Variants in FSTL4 observed in about 807,000 individuals in gnomAD.
FSTL4 encodes follistatin like 4.
Under a neutral mutation model 78.2 loss-of-function variants are expected in FSTL4, and 28 were observed. The ratio of observed to expected loss-of-function variants is 0.36; its 90% CI spans 0.27 to 0.49. FSTL4 has a LOEUF of 0.49. Ranked by LOEUF, FSTL4 falls within the 20% of genes least tolerant of loss-of-function variation. FSTL4 has a pLI of 0.98. For missense variants in FSTL4, 922 were observed against 1,084.9 expected (o/e 0.85, Z 2.11); for synonymous variants, 422 against 440.5 (o/e 0.96, Z 0.53).
the FSTL4 span, among the ~76,000 whole-genome samples, chr5:133,784,508 C>T: frequency 3.9e-5 from 6 of 152,252 alleles, no homozygotes; most frequent in African/African-American, 1.4e-4. Context: ...TCATTGTTAT[C>T]CCCGTTCTGA....
chr5:133,395,034 T>C (rs990747235), intron 4 of FSTL4, among the ~76,000 whole-genome samples: 1 of 152,060 alleles, frequency 6.6e-6, no homozygotes, highest in Non-Finnish European at 1.5e-5. Context: ...AACACACCAA[T>C]CAGCACCCTG....
At chr5:133,833,086 G>A in the FSTL4 span, among the ~76,000 whole-genome samples, 1 of 152,172 alleles carries the variant, frequency 6.6e-6, no homozygotes, top group East Asian at 1.9e-4. Context: ...TAAAATCAGT[G>A]GATGATTTGC....
At chr5:133,835,758 A>G in the FSTL4 span, among the ~76,000 whole-genome samples, 28 of 152,342 alleles carry the variant, frequency 1.8e-4, no homozygotes, top group Non-Finnish European at 3.7e-4. Context: ...TTTAAGAAAA[A>G]AATATATGGG....
chr5:133,514,224 A>AAAC (rs1758806822), intron 3 of FSTL4, among the ~76,000 whole-genome samples: 1 of 148,964 alleles, frequency 6.7e-6, no homozygotes, highest in Non-Finnish European at 1.5e-5. Flanking sequence ...TAATAATAAT[A>AAAC]AACCGTTGGT....
chr5:133,577,890 C>T (rs762908700), intron 2 of FSTL4, among the ~76,000 whole-genome samples: 1 of 152,154 alleles, frequency 6.6e-6, no homozygotes, highest in Non-Finnish European at 1.5e-5. Flanking sequence ...TAGCGTAAGA[C>T]TCTGTCTCAA....
the FSTL4 span, among the ~76,000 whole-genome samples, chr5:133,815,370 G>C: frequency 6.6e-6 from 1 of 152,190 alleles, no homozygotes; most frequent in African/African-American, 2.4e-5. Context: ...TCCTAACTCA[G>C]GACCTGAGGT....
At chr5:133,588,256 A>G (rs1760550047) in intron 2 of FSTL4, among the ~76,000 whole-genome samples, 1 of 80,676 alleles carries the variant, frequency 1.2e-5, no homozygotes, top group African/African-American at 4.2e-5. Context: ...CACCAAAAGC[A>G]ATGGCAACAA....
At chr5:133,777,339 A>C in the FSTL4 span, among the ~76,000 whole-genome samples, 1 of 152,252 alleles carries the variant, frequency 6.6e-6, no homozygotes, top group Non-Finnish European at 1.5e-5. Flanking sequence ...TAAGGAAAAA[A>C]TGGACTGGAA....
rs981841783 is a variant in FSTL4, at chr5:133,276,274, G to C, written c.728-26698C>G. On this transcript the variant is annotated intron_variant, in intron 6 of 15. Transcript: ENST00000265342. ...CAGCAGGGCTGTCCTGGCTTGCTTG[G>C]GGCCTGTGATGCTGGACCCCAGTGG... is the stretch of plus-strand genomic sequence containing the variant. Among the ~76,000 whole-genome samples, 4 of 152,290 alleles carry C rather than the reference G, an allele frequency of 2.6e-5. No homozygotes were observed. In the South Asian group the frequency reaches 8.3e-4, roughly 32 times the overall value.
intron 3 of FSTL4, among the ~76,000 whole-genome samples, chr5:133,486,873 A>G (rs1159973663): frequency 6.6e-6 from 1 of 152,188 alleles, no homozygotes; most frequent in South Asian, 2.1e-4. Flanking sequence ...TGTTTGACCT[A>G]TGAGGAAATT....
At chr5:133,802,411 A>C in the FSTL4 span, among the ~76,000 whole-genome samples, 2 of 152,190 alleles carry the variant, frequency 1.3e-5, no homozygotes, top group African/African-American at 4.8e-5. Flanking sequence ...CCAGGGAAAA[A>C]CCAAATATGA....
chr5:133,758,593 C>T, the FSTL4 span, among the ~76,000 whole-genome samples: 1 of 152,120 alleles, frequency 6.6e-6, no homozygotes, highest in Admixed American at 6.6e-5. Context: ...TGACATTTGC[C>T]TACAAGTAAT....
upstream of FSTL4, among the ~76,000 whole-genome samples, chr5:133,614,458 G>A (rs569450367): frequency 1.3e-5 from 2 of 152,302 alleles, no homozygotes; most frequent in African/African-American, 4.8e-5. Context: ...TTTAACTACT[G>A]TGCATAAAAT....
At chr5:133,708,955 C>T in the FSTL4 span, among the ~76,000 whole-genome samples, 5 of 152,226 alleles carry the variant, frequency 3.3e-5, no homozygotes, top group African/African-American at 1.2e-4. Context: ...ACTATATTCA[C>T]ACCAGGCAGT....
At chr5:133,221,905 T>TGTTTG (rs1561626744) in intron 11 of FSTL4, among the ~76,000 whole-genome samples, 4 of 64,646 alleles carry the variant, frequency 6.2e-5, no homozygotes, top group Non-Finnish European at 1.2e-4. Flanking sequence ...TTTTTTTTTT[T>TGTTTG]TTTTTTTTTT....
chr5:133,545,859 G>A (rs1485316721), intron 3 of FSTL4, among the ~76,000 whole-genome samples: 2 of 152,206 alleles, frequency 1.3e-5, no homozygotes, highest in Non-Finnish European at 2.9e-5. Flanking sequence ...AAATGGTCAT[G>A]ACCAGAATGT....
intron 4 of FSTL4, among the ~76,000 whole-genome samples, chr5:133,336,834 A>T (rs1754473716): frequency 6.6e-6 from 1 of 152,120 alleles, no homozygotes; most frequent in Non-Finnish European, 1.5e-5. Context: ...CCTTCTAGGC[A>T]TGTAGCATCT....
intron 4 of FSTL4, among the ~76,000 whole-genome samples, chr5:133,387,258 T>G (rs1580669308): frequency 6.6e-6 from 1 of 152,180 alleles, no homozygotes. Flanking sequence ...GATGGGCAGG[T>G]GCCAGTACTG....
chr5:133,639,102 G>A, the FSTL4 span, among the ~76,000 whole-genome samples: 2 of 151,928 alleles, frequency 1.3e-5, no homozygotes, highest in South Asian at 2.1e-4. Flanking sequence ...ATATGCATTC[G>A]GTATTTGTAG....
Sources: gnomAD v4.1 joint callset for allele counts (sites outside exome capture counted in the v4.1 genomes callset) on GRCh38, gnomAD v4.1.1 for gene constraint, MANE v1.5 for transcripts, NCBI Gene and HGNC (gene_info 2026-07-23, HGNC 2026-07-21) for gene names.